Variants in ALKBH1 observed in about 807,000 individuals in gnomAD.
The protein encoded by ALKBH1 is nucleic acid dioxygenase ALKBH1.
In ALKBH1, 31 loss-of-function variants were observed where a neutral mutation model predicts 36.6. The ratio of observed to expected loss-of-function variants is 0.85; its 90% CI spans 0.64 to 1.14. The LOEUF is 1.14. Ranked by LOEUF, ALKBH1 falls within the 50% of genes most tolerant of loss-of-function variation. The pLI, the probability that ALKBH1 is intolerant of heterozygous loss-of-function variation, is 0.00. For missense variants in ALKBH1, 490 were observed against 497.3 expected (o/e 0.99, Z 0.14); for synonymous variants, 183 against 186.6 (o/e 0.98, Z 0.16).
chr14:77,682,739 C>A (rs930166248), intron 3 of ALKBH1, among the ~76,000 whole-genome samples: 11 of 152,100 alleles, frequency 7.2e-5, no homozygotes, highest in African/African-American at 2.7e-4. Context: ...ATTTTGTCAC[C>A]CAGGCTGGAG....
chr14:77,689,551 G>A (rs963049391), intron 3 of ALKBH1, among the ~76,000 whole-genome samples: 1 of 152,140 alleles, frequency 6.6e-6, no homozygotes, highest in African/African-American at 2.4e-5. Flanking sequence ...AATATTTACT[G>A]AGCACCTTCT....
At chr14:77,682,818 C>T (rs1284103736) in intron 3 of ALKBH1, among the ~76,000 whole-genome samples, 3 of 152,116 alleles carry the variant, frequency 2.0e-5, no homozygotes, top group African/African-American at 7.2e-5. Context: ...CTGCCTCAGC[C>T]ACCCAAGTAG....
chr14:77,676,862 T>C (rs920118908), intron 4 of ALKBH1, among the ~76,000 whole-genome samples: 1 of 152,186 alleles, frequency 6.6e-6, no homozygotes, highest in African/African-American at 2.4e-5. Context: ...GACTGGTCAA[T>C]CTGATGGGAT....
At chr14:77,685,562 A>C (rs1449440704) in intron 3 of ALKBH1, among the ~76,000 whole-genome samples, 1 of 152,268 alleles carries the variant, frequency 6.6e-6, no homozygotes, top group Admixed American at 6.5e-5. Context: ...AGATTGCCTT[A>C]GCTCAGAAGT....
intron 3 of ALKBH1, among the ~76,000 whole-genome samples, chr14:77,689,767 T>C (rs1385550499): frequency 2.0e-5 from 3 of 151,982 alleles, no homozygotes; most frequent in African/African-American, 7.3e-5. Flanking sequence ...TTCATATACA[T>C]AAAAATAGAG....
chr14:77,706,717 G>A (rs1248832176), intron 1 of ALKBH1, among the ~76,000 whole-genome samples: 5 of 152,222 alleles, frequency 3.3e-5, no homozygotes, highest in African/African-American at 1.2e-4. Flanking sequence ...CTGAATGAGA[G>A]TCTGAAGCGC....
intron 2 of ALKBH1, among the ~76,000 whole-genome samples, chr14:77,703,429 C>T (rs574953663): frequency 2.6e-4 from 39 of 151,650 alleles, no homozygotes; most frequent in Admixed American, 2.4e-3. Context: ...GTAGCTGGGA[C>T]TACAGGGGCC....
chr14:77,698,576 G>A (rs757963025), intron 2 of ALKBH1, among the ~76,000 whole-genome samples: 10 of 152,184 alleles, frequency 6.6e-5, no homozygotes, highest in Non-Finnish European at 1.5e-4. Context: ...TGTTCCCCTT[G>A]CAAAAGGATT....
chr14:77,690,884 C>T (rs1187381866), intron 3 of ALKBH1, among the ~76,000 whole-genome samples: 2 of 152,146 alleles, frequency 1.3e-5, no homozygotes, highest in South Asian at 2.1e-4. Context: ...TCACCGCAAC[C>T]TCCGCCTCCC....
rs141771072 is a variant in ALKBH1 at position 77,692,916 on chromosome 14, A to T, written c.455+1822T>A. Among the ~76,000 whole-genome samples the T allele has an allele frequency of 8.6e-3, 1,292 of 150,820 alleles. 10 individuals carry two copies. Among genetic ancestry groups the T allele is most frequent in the African/African-American group, 0.02 (825 of 41,090 alleles). ...TATGCCCAGCTAATTAAAAAAAAAA[A>T]TTTTTTTGGGGCCGGGAAGTGCCTT... is the stretch of plus-strand genomic sequence containing the variant. On this transcript the variant is annotated intron_variant, in intron 3 of 5. Transcript: ENST00000216489.
chr14:77,706,677 C>A (rs1328484493), intron 1 of ALKBH1, among the ~76,000 whole-genome samples: 1 of 152,148 alleles, frequency 6.6e-6, no homozygotes, highest in East Asian at 1.9e-4. Flanking sequence ...AAAGCATGTA[C>A]ATATTATGGT....
Position 77,673,794 on chromosome 14 carries a change from G to T in ALKBH1, c.*18C>A. On this transcript the variant is annotated 3_prime_UTR_variant, in exon 6 of 6. Transcript: ENST00000216489. ...CGGTAAGCAGGTGCCTGAGTAAAAA[G>T]GATGGGATCTCCAAGTCTCAGCTGT... 1 of 1,601,028 alleles carries T rather than the reference G, an allele frequency of 6.2e-7. No individual in the cohort carries two copies. Among genetic ancestry groups the T allele is most frequent in the Non-Finnish European group, 8.5e-7 (1 of 1,172,138 alleles).
Position 77,689,837 on chromosome 14 carries a change from G to C in ALKBH1, c.455+4901C>G, listed in dbSNP as rs532822504. Reference sequence around the variant, plus strand: ...TAAGTTGTTATTTGGCAACTATGTTGCACTTAATTAAAAAAAAAATCAAGC... The same window carrying C: ...TAAGTTGTTATTTGGCAACTATGTTCCACTTAATTAAAAAAAAAATCAAGC... On this transcript the variant is annotated intron_variant, in intron 3 of 5. Coordinates refer to ENST00000216489, the MANE Select transcript of ALKBH1 (RefSeq NM_006020.3). Among the ~76,000 whole-genome samples, 13 of 149,176 alleles carry C rather than the reference G, an allele frequency of 8.7e-5. No individual in the cohort carries two copies. In the South Asian group the frequency reaches 2.5e-3, roughly 29 times the overall value.
At chr14:77,688,800 G>A (rs941780281) in intron 3 of ALKBH1, among the ~76,000 whole-genome samples, 7 of 151,784 alleles carry the variant, frequency 4.6e-5, no homozygotes, top group African/African-American at 1.7e-4. Flanking sequence ...TTGAACTCCC[G>A]ACCTCAGGTG....
Position 77,707,990 on chromosome 14 carries a change from T to C in ALKBH1, c.15A>G (p.Ala5=). The C allele has an allele frequency of 2.5e-6, 4 of 1,610,280 alleles. No individual in the cohort carries two copies. The highest frequency in any genetic ancestry group is 1.3e-5 in the African/African-American group (1 of 74,960). ...GAGTCGCCACAGAGCCCACGGCCGC[T>C]GCCATCTTCCCCATCTCGCGGCCTA... is the stretch of plus-strand genomic sequence containing the variant. MGKM[A]AAVGSVATLA... is the part of the protein sequence containing the mutation. Residue 5 remains alanine (A), a synonymous_variant, in exon 1 of 6, where the codon GCA becomes GCG. Transcript: ENST00000216489.
rs140365594 is a variant in ALKBH1, at chr14:77,692,996, G to A, written c.455+1742C>T. ...CGAGGTGGGCAGATCACCTGAGGTC[G>A]GGAGTTCAAGACCAGCCTGAACAAC... On this transcript the variant is annotated intron_variant, in intron 3 of 5. Coordinates refer to ENST00000216489, the MANE Select transcript of ALKBH1 (RefSeq NM_006020.3). Among the ~76,000 whole-genome samples the A allele has an allele frequency of 8.4e-3, 1,269 of 151,346 alleles. 13 individuals carry two copies. The highest frequency in any genetic ancestry group is 0.029 in the African/African-American group (1,206 of 41,264).
At chr14:77,693,421 CTG>C (rs2080309408) in intron 3 of ALKBH1, among the ~76,000 whole-genome samples, 1 of 152,158 alleles carries the variant, frequency 6.6e-6, no homozygotes, top group African/African-American at 2.4e-5. Flanking sequence ...AAGACAGGAA[CTG>C]TTTTTTATCT....
chr14:77,706,067 T>C (rs1231972165), intron 1 of ALKBH1, among the ~76,000 whole-genome samples: 1 of 145,756 alleles, frequency 6.9e-6, no homozygotes, highest in Non-Finnish European at 1.5e-5. Context: ...TAAAAAAAAG[T>C]ATATATATTA....
At chr14:77,704,504 G>T in intron 1 of ALKBH1, 27 bp from the exon 2 acceptor site, 2 of 1,583,282 alleles carry the variant, frequency 1.3e-6, no homozygotes, top group South Asian at 1.1e-5. Flanking sequence ...AGAAGTTAAA[G>T]GACTAAATCT....
Sources: gnomAD v4.1 joint callset for allele counts (sites outside exome capture counted in the v4.1 genomes callset) on GRCh38, gnomAD v4.1.1 for gene constraint, MANE v1.5 for transcripts, NCBI Gene and HGNC (gene_info 2026-07-23, HGNC 2026-07-21) for gene names.